Variants in LHB observed in about 807,000 individuals in gnomAD.
LHB encodes the protein lutropin subunit beta.
Under a neutral mutation model 10.6 loss-of-function variants are expected in LHB, and 11 were observed. The observed-to-expected ratio is 1.04, with a 90% confidence interval of 0.66 to 1.72. The LOEUF is 1.72. Among genes scored for constraint, LHB ranks in the 40% most tolerant of loss-of-function variants. The pLI is 0.00. For missense variants in LHB, 184 were observed against 197.3 expected (o/e 0.93, Z 0.41); for synonymous variants, 86 against 83.1 (o/e 1.03, Z -0.19).
chr19:49,018,005 T>A (rs1309159427), upstream of LHB: 4 of 398,192 alleles, frequency 1.0e-5, no homozygotes, highest in Non-Finnish European at 1.3e-5. Context: ...ATAGCTGGAG[T>A]TCTCGGTACT....
intron 2 of LHB, 104 bp from the exon 3 acceptor site, chr19:49,016,414 C>G: frequency 6.3e-7 from 1 of 1,598,744 alleles, no homozygotes; most frequent in Non-Finnish European, 8.5e-7. Context: ...GCCCAGGAAG[C>G]CCTCTGTTCC....
upstream of LHB, chr19:49,018,977 G>A (rs2039597845): frequency 7.8e-6 from 12 of 1,533,500 alleles, no homozygotes; most frequent in Non-Finnish European, 8.7e-6. Flanking sequence ...ACAGCTCGGG[G>A]TTCTTCGTCC....
At position 49,016,069 on chromosome 19, in the gene LHB, T is replaced by C; in HGVS notation, c.425A>G (p.Ter142=). ...CTTGGAAGGCTGCGGGGAGGGTCTT[T>C]AGAGGAAGAGGAGGCCTGAGAGTTG... ...HPQLSGLLFL[*] is the part of the protein sequence containing the mutation. Residue 142 remains the stop codon, a stop_retained_variant, in exon 3 of 3, where the codon TAA becomes TGA. Coordinates refer to ENST00000649238, the MANE Select transcript of LHB (RefSeq NM_000894.3). 1.2e-6 allele frequency: 2 copies of C among 1,613,424 alleles called. No homozygotes were observed. The highest frequency in any genetic ancestry group is 1.3e-5 in the African/African-American group (1 of 74,948).
chr19:49,016,563 C>G lies in LHB; in HGVS notation c.167G>C (p.Gly56Ala), dbSNP rs121912517. The G allele has an allele frequency of 6.2e-7, 1 of 1,609,442 alleles. No individual in the cohort carries two copies. Among genetic ancestry groups the G allele is most frequent in the Non-Finnish European group, 8.5e-7 (1 of 1,179,642 alleles). Residue 56 changes from glycine (G) to alanine (A), a missense_variant, in exon 2 of 3, where the codon GGC becomes GCC. Physicochemically the swap from Gly to Ala is moderately conservative, Grantham distance 60. Transcript: ENST00000649238. ...CITVNTTICA[G>A]YCPTMMRVLQ... Reference sequence around the variant, plus strand: ...GCAGCTCACCATGGTGGGGCAGTAGCCGGCACAGATGGTGGTGTTGACGGT... The same window carrying G: ...GCAGCTCACCATGGTGGGGCAGTAGGCGGCACAGATGGTGGTGTTGACGGT...
chr19:49,018,805 G>C, upstream of LHB: 1 of 1,351,384 alleles, frequency 7.4e-7, no homozygotes, highest in Non-Finnish European at 1.0e-6. Context: ...GCCAGCCCAG[G>C]GGCTCGGCGT....
chr19:49,017,995 A>G (rs370903458), upstream of LHB: 135 of 398,562 alleles, frequency 3.4e-4, 2 homozygotes, highest in South Asian at 0.016. Flanking sequence ...TCAAGCTGCC[A>G]TAGCTGGAGT....
upstream of LHB, chr19:49,019,494 G>A (rs2039602113): frequency 3.7e-5 from 43 of 1,168,288 alleles, no homozygotes; most frequent in Non-Finnish European, 4.4e-5. Context: ...CTTCTGGCCT[G>A]GCCTAATGCC....
chr19:49,017,627 C>G, upstream of LHB: 1 of 1,012,094 alleles, frequency 9.9e-7, no homozygotes, highest in Non-Finnish European at 1.2e-6. Flanking sequence ...CCACCTCTCC[C>G]TTAGGGACCT....
chr19:49,017,851 A>G (rs1358991881), upstream of LHB: 4 of 398,098 alleles, frequency 1.0e-5, no homozygotes, highest in Middle Eastern at 6.3e-4. Context: ...TTGCCAATAG[A>G]CGTAATGAGT....
chr19:49,018,433 C>T (rs536388563), upstream of LHB: 1,407 of 770,250 alleles, frequency 1.8e-3, 3 homozygotes, highest in Non-Finnish European at 2.3e-3. Context: ...CATTCAAACT[C>T]CTGCATTTCC....
At chr19:49,016,378 T>C in intron 2 of LHB, 68 bp from the exon 3 acceptor site, 1 of 1,603,066 alleles carries the variant, frequency 6.2e-7, no homozygotes, top group Non-Finnish European at 8.5e-7. Flanking sequence ...GCTCCCAAGC[T>C]GACCCCACAG....
chr19:49,017,957 G>C (rs1417867385), upstream of LHB: 3 of 398,532 alleles, frequency 7.5e-6, no homozygotes, highest in African/African-American at 2.1e-5. Flanking sequence ...GGTGGGGCTG[G>C]CCCTGACGGC....
chr19:49,019,365 C>G, upstream of LHB: 1 of 1,232,956 alleles, frequency 8.1e-7, no homozygotes, highest in Non-Finnish European at 1.0e-6. Context: ...TCCAAGTTAC[C>G]TCTCCCAACT....
chr19:49,017,122 T>A, upstream of LHB: 1 of 1,613,768 alleles, frequency 6.2e-7, no homozygotes, highest in Non-Finnish European at 8.5e-7. Flanking sequence ...GCTATATACC[T>A]CGGGGTTGTG....
At position 49,016,615 on chromosome 19, in the gene LHB, C is replaced by T. The variant is rs1007910415; in HGVS notation, c.115G>A (p.Glu39Lys). ...ATGCACACTGGGCAGCCCTCCTTCT[C>T]GACAGCCAGGATGGCATTGATGGGG... is the stretch of plus-strand genomic sequence containing the variant. ...CHPINAILAV[E>K]KEGCPVCITV... Residue 39 changes from glutamate (E) to lysine (K), a missense_variant, in exon 2 of 3, where the codon GAG becomes AAG. Glu to Lys is a moderately conservative substitution (Grantham distance 56). Coordinates refer to ENST00000649238, the MANE Select transcript of LHB (RefSeq NM_000894.3). 4.5e-5 allele frequency: 72 copies of T among 1,611,788 alleles called. No individual in the cohort carries two copies. The highest frequency in any genetic ancestry group is 5.9e-5 in the Non-Finnish European group (70 of 1,179,752).
At position 49,017,090 on chromosome 19, in the gene LHB, C is replaced by T. The variant is rs2039568472; in HGVS notation, c.-9G>A. 2 of 1,613,958 alleles carry T rather than the reference C, an allele frequency of 1.2e-6. No individual in the cohort carries two copies. The highest frequency in any genetic ancestry group is 1.7e-6 in the Non-Finnish European group (2 of 1,179,836). On this transcript the variant is annotated 5_prime_UTR_variant, in exon 1 of 3. Coordinates refer to ENST00000649238, the MANE Select transcript of LHB (RefSeq NM_000894.3). ...ACCTGGAGCATCTCCATCCTTGGTG[C>T]ATCCCCTGCCTCGTGTATCTGGCTA...
At chr19:49,018,155 G>GCT (rs747207335), upstream of LHB, 1 of 403,072 alleles carries the variant, frequency 2.5e-6, no homozygotes, top group Non-Finnish European at 4.3e-6. Flanking sequence ...CAGAGACAGG[G>GCT]CTCCCCGGTG....
chr19:49,016,122 T>C lies in LHB; in HGVS notation c.372A>G (p.Lys124=), dbSNP rs2039546185. The C allele has an allele frequency of 1.9e-6, 3 of 1,612,916 alleles. No individual in the cohort carries two copies. The highest frequency in any genetic ancestry group is 1.3e-5 in the African/African-American group (1 of 74,996). ...RRSTSDCGGP[K]DHPLTCDHPQ... The stretch of plus-strand genomic sequence containing the variant: ...GGTGGTCACAGGTCAAGGGGTGGTC[T>C]TTGGGACCCCCACAGTCAGAGGTGC... The change falls in exon 3 of 3, where the codon AAA becomes AAG. Residue 124 remains lysine, a synonymous_variant. Transcript: ENST00000649238.
At chr19:49,018,946 A>G (rs1363867249), upstream of LHB, 3 of 1,534,440 alleles carry the variant, frequency 2.0e-6, no homozygotes, top group Non-Finnish European at 2.6e-6. Context: ...CCCCGGTCGG[A>G]TACTGTGAAA....
Sources: allele counts gnomAD v4.1 joint callset, GRCh38; gene constraint gnomAD v4.1.1; transcripts MANE v1.5; gene names NCBI Gene and HGNC (gene_info 2026-07-23, HGNC 2026-07-21).